Variants in DHX35 observed in about 807,000 individuals in gnomAD.
DHX35 encodes probable ATP-dependent RNA helicase DHX35.
Under a neutral mutation model 99.6 loss-of-function variants are expected in DHX35, and 84 were observed. The ratio of observed to expected loss-of-function variants is 0.84; its 90% CI spans 0.71 to 1.01. DHX35 has a LOEUF of 1.01. Ranked by LOEUF, DHX35 falls within the 50% of genes least tolerant of loss-of-function variation. The pLI, the probability that DHX35 is intolerant of heterozygous loss-of-function variation, is 0.00. For missense variants in DHX35, 852 were observed against 888.5 expected, an observed-to-expected ratio of 0.96 and a Z score of 0.52; for synonymous variants, 331 against 316.2, an observed-to-expected ratio of 1.05 and a Z score of -0.50.
intron 17 of DHX35, among the ~76,000 whole-genome samples, chr20:39,024,959 C>G (rs1199538275): frequency 6.6e-6 from 1 of 152,180 alleles, no homozygotes; most frequent in Non-Finnish European, 1.5e-5. Context: ...GTTCACATCT[C>G]ATGAAGGTAT....
At chr20:39,037,045 T>C (rs2087165303) in intron 21 of DHX35, among the ~76,000 whole-genome samples, 1 of 152,204 alleles carries the variant, frequency 6.6e-6, no homozygotes, top group Admixed American at 6.5e-5. Flanking sequence ...GGAATGTTGC[T>C]CTCACCCTGT....
intron 21 of DHX35, among the ~76,000 whole-genome samples, chr20:39,038,028 G>A (rs2087183418): frequency 6.6e-6 from 1 of 152,148 alleles, no homozygotes; most frequent in Admixed American, 6.5e-5. Flanking sequence ...CTTGAGCATG[G>A]GTACCTGGTG....
At chr20:39,030,817 G>A (rs1442970823) in intron 20 of DHX35, 42 bp downstream of exon 20, 3 of 1,596,188 alleles carry the variant, frequency 1.9e-6, no homozygotes, top group East Asian at 4.5e-5. Context: ...GCTTTGAACA[G>A]GGCCATGTTC....
intron 3 of DHX35, among the ~76,000 whole-genome samples, chr20:38,978,925 C>G (rs2086125035): frequency 6.6e-6 from 1 of 152,084 alleles, no homozygotes; most frequent in Admixed American, 6.6e-5. Context: ...TCTAGTTTTC[C>G]CAGCACCATT....
chr20:39,036,726 CAAAAAAAA>C (rs60032935), intron 21 of DHX35, among the ~76,000 whole-genome samples: 13 of 51,664 alleles, frequency 2.5e-4, no homozygotes, highest in Admixed American at 8.0e-4. Context: ...ACTGTCCCCC[CAAAAAAAA>C]AAAAAAAAAA....
intron 1 of DHX35, 167 bp downstream of exon 1, chr20:38,962,574 C>T (rs2085849350): frequency 2.5e-6 from 2 of 805,424 alleles, no homozygotes; most frequent in Non-Finnish European, 3.8e-6. Flanking sequence ...CCCAGTGGTC[C>T]CGAGGGATTT....
intron 8 of DHX35, among the ~76,000 whole-genome samples, chr20:38,996,416 T>C (rs941752868): frequency 1.4e-4 from 21 of 152,146 alleles, no homozygotes; most frequent in Non-Finnish European, 2.6e-4. Flanking sequence ...ATGGGGAGGT[T>C]GGGGTCAGAT....
At chr20:39,030,856 C>T in intron 20 of DHX35, 81 bp downstream of exon 20, 1 of 1,474,082 alleles carries the variant, frequency 6.8e-7, no homozygotes, top group Non-Finnish European at 9.5e-7. Context: ...TGTTTCTTGA[C>T]ATCGCCTCTA....
chr20:39,012,093 C>G (rs2086711199), intron 13 of DHX35, among the ~76,000 whole-genome samples: 1 of 152,008 alleles, frequency 6.6e-6, no homozygotes, highest in South Asian at 2.1e-4. Flanking sequence ...ACTAAAAATA[C>G]AAAAATTAGC....
intron 17 of DHX35, among the ~76,000 whole-genome samples, 177 bp from the exon 18 acceptor site, chr20:39,025,053 T>C (rs1439309473): frequency 6.6e-6 from 1 of 152,178 alleles, no homozygotes; most frequent in East Asian, 1.9e-4. Flanking sequence ...CAGTCAGATG[T>C]GTGCAAGGTT....
chr20:39,009,929 C>T (rs540191165), intron 12 of DHX35, among the ~76,000 whole-genome samples: 1 of 152,182 alleles, frequency 6.6e-6, no homozygotes, highest in East Asian at 1.9e-4. Context: ...ATGTGAAGCT[C>T]TTGCTTCCTT....
intron 3 of DHX35, among the ~76,000 whole-genome samples, chr20:38,976,127 G>GT (rs10709695): frequency 2.0e-5 from 3 of 151,362 alleles, no homozygotes; most frequent in South Asian, 2.1e-4. Flanking sequence ...AACAAAGGTA[G>GT]TTTTTTTTTC....
At chr20:39,013,296 A>G (rs528558349) in intron 13 of DHX35, among the ~76,000 whole-genome samples, 1 of 152,352 alleles carries the variant, frequency 6.6e-6, no homozygotes, top group East Asian at 1.9e-4. Flanking sequence ...GCAATAAGAA[A>G]ATTGACTTTT....
chr20:39,008,985 C>T (rs2086659794), intron 12 of DHX35, among the ~76,000 whole-genome samples: 1 of 152,166 alleles, frequency 6.6e-6, no homozygotes, highest in South Asian at 2.1e-4. Flanking sequence ...TGTTTCTGGT[C>T]CAGGTCCCAG....
intron 15 of DHX35, among the ~76,000 whole-genome samples, chr20:39,020,032 C>G (rs543425276): frequency 6.6e-6 from 1 of 152,254 alleles, no homozygotes; most frequent in African/African-American, 2.4e-5. Context: ...ATAATGTCCT[C>G]CAGTTCCATT....
At chr20:38,969,665 C>T (rs2085964259) in intron 2 of DHX35, among the ~76,000 whole-genome samples, 1 of 152,226 alleles carries the variant, frequency 6.6e-6, no homozygotes, top group African/African-American at 2.4e-5. Flanking sequence ...TCCTCTGAGA[C>T]AGTGACAGGA....
intron 16 of DHX35, 108 bp from the exon 17 acceptor site, chr20:39,023,582 G>T: frequency 1.0e-6 from 1 of 1,001,930 alleles, no homozygotes; most frequent in South Asian, 1.4e-5. Flanking sequence ...CGAACTTCTG[G>T]GTTCAGGCAA....
chr20:39,028,496 A>T lies in DHX35; in HGVS notation c.1880A>T (p.Tyr627Phe). The change falls in exon 19 of 22, where the codon TAT becomes TTT. Residue 627 changes from tyrosine to phenylalanine, a missense_variant. Physicochemically the swap from Tyr to Phe is conservative, Grantham distance 22 (BLOSUM62 3). Transcript: ENST00000252011. Reference sequence around the variant, plus strand: ...GCGAGGTTTCATTCTACTGGAGCTTATAGGTAACATGATACTTGGTGAAGT... The same window carrying T: ...GCGAGGTTTCATTCTACTGGAGCTTTTAGGTAACATGATACTTGGTGAAGT... ...NAARFHSTGA[Y>F]RTIRDDHELH... 6.2e-7 allele frequency: 1 copy of T among 1,614,162 alleles called. No homozygotes were observed. The highest frequency in any genetic ancestry group is 8.5e-7 in the Non-Finnish European group (1 of 1,179,992).
At chr20:39,032,027 A>G (rs754571749) in intron 20 of DHX35, among the ~76,000 whole-genome samples, 6 of 152,130 alleles carry the variant, frequency 3.9e-5, no homozygotes, top group Non-Finnish European at 8.8e-5. Flanking sequence ...GGTTAAGTTT[A>G]TGTTTGTCCA....
Sources: gnomAD v4.1 joint callset for allele counts (sites outside exome capture counted in the v4.1 genomes callset) on GRCh38, gnomAD v4.1.1 for gene constraint, MANE v1.5 for transcripts, NCBI Gene and HGNC (gene_info 2026-07-23, HGNC 2026-07-21) for gene names.